PRDM9: variants seen among roughly 807,000 people sequenced by gnomAD.
PRDM9 encodes histone-lysine N-methyltransferase PRDM9.
Under a neutral mutation model 55.6 loss-of-function variants are expected in PRDM9, and 47 were observed. That is an observed-to-expected ratio of 0.85 (90% confidence interval 0.67 to 1.08). The LOEUF (loss-of-function observed/expected upper bound fraction) is 1.08. PRDM9 is among the 50% of genes least tolerant of loss of function. PRDM9 has a pLI of 0.00. For synonymous variants in PRDM9, 312 were observed against 375.7 expected (o/e 0.83, Z 1.96); for missense variants, 867 against 1,040.3 (o/e 0.83, Z 2.29).
chr5:23,521,243 G>A, intron 6 of PRDM9, 64 bp downstream of exon 6: 3 of 1,586,650 alleles, frequency 1.9e-6, no homozygotes, highest in South Asian at 2.2e-5. Context: ...TGATGAGTAT[G>A]GTCTACCTAT....
Position 23,526,592 on chromosome 5 carries a change from C to T in PRDM9, c.1504C>T (p.Gln502Ter), listed in dbSNP as rs753543119. Reference protein sequence around the residue: ...RIMEEESRTGQKVNPGNTGKL... With the variant: ...RIMEEESRTG ...AATGGAAGAAGAGTCCAGAACAGGCCAGAAAGTGAATCCAGGGAACACAGG... is the reference window on the plus strand; with the variant it reads ...AATGGAAGAAGAGTCCAGAACAGGCTAGAAAGTGAATCCAGGGAACACAGG... The change falls in exon 11 of 11, where the codon CAG (glutamine) becomes TAG (stop). Residue 502 changes from glutamine (Q) to a stop codon, truncating the protein, a stop_gained. Coordinates refer to ENST00000296682, the MANE Select transcript of PRDM9 (RefSeq NM_020227.4). LOFTEE classifies it low-confidence loss of function (END_TRUNC). 1.2e-6 allele frequency: 2 copies of T among 1,614,194 alleles called. No homozygotes were observed. The highest frequency in any genetic ancestry group is 1.7e-6 in the Non-Finnish European group (2 of 1,180,044).
chr5:23,518,003 G>A, intron 5 of PRDM9, 73 bp downstream of exon 5: 1 of 1,358,256 alleles, frequency 7.4e-7, no homozygotes, highest in African/African-American at 1.4e-5. Context: ...GGAGGAGAAT[G>A]TACAGACTAT....
rs1454422584 is a variant in PRDM9 at position 23,527,875 on chromosome 5, C to T, written c.*102C>T. On this transcript the variant is annotated 3_prime_UTR_variant, in exon 11 of 11. Transcript: ENST00000296682. ...GTGAGGTGGCTTCAGCGGAAGTCTG[C>T]TGACCCCTTATATTCCCCGAGAGTA... 10 of 1,424,184 alleles carry T rather than the reference C, an allele frequency of 7.0e-6. No homozygotes were observed. The highest frequency in any genetic ancestry group is 9.8e-6 in the Non-Finnish European group (10 of 1,021,942). 88.2% of individuals were successfully genotyped at this position (1,424,184 alleles called of 1,614,324 possible).
intron 4 of PRDM9, among the ~76,000 whole-genome samples, chr5:23,517,233 T>C (rs975588904): frequency 6.6e-6 from 1 of 151,710 alleles, no homozygotes; most frequent in African/African-American, 2.4e-5. Context: ...CTATTCCTAG[T>C]TTGTTCAGTG....
At chr5:23,525,171 AT>A (rs1455933364) in intron 10 of PRDM9, among the ~76,000 whole-genome samples, 14 of 152,344 alleles carry the variant, frequency 9.2e-5, no homozygotes, top group African/African-American at 3.4e-4. Context: ...AGGAGACAGC[AT>A]TTGAGAAGTG....
intron 5 of PRDM9, among the ~76,000 whole-genome samples, chr5:23,519,297 C>T (rs1739280063): frequency 6.6e-6 from 1 of 152,102 alleles, no homozygotes; most frequent in Admixed American, 6.5e-5. Flanking sequence ...TGGGCTCAAG[C>T]CATCCTCCCA....
At chr5:23,520,973 G>A in intron 5 of PRDM9, 50 bp from the exon 6 acceptor site, 2 of 1,601,314 alleles carry the variant, frequency 1.2e-6, no homozygotes, top group Non-Finnish European at 1.7e-6. Context: ...AAGCCGTAAA[G>A]AACTAAAGAA....
At chr5:23,522,277 T>G (rs778057476) in intron 6 of PRDM9, 27 bp from the exon 7 acceptor site, 1 of 1,566,908 alleles carries the variant, frequency 6.4e-7, no homozygotes, top group Non-Finnish European at 8.8e-7. Context: ...ATTCCCAATT[T>G]TACCCGTCTA....
At chr5:23,517,137 A>G (rs1252088610) in intron 4 of PRDM9, among the ~76,000 whole-genome samples, 1 of 134,934 alleles carries the variant, frequency 7.4e-6, no homozygotes, top group Admixed American at 8.0e-5. Flanking sequence ...TGGGCGACAG[A>G]GCGAGACTCC....
At chr5:23,516,865 G>A (rs1288438882) in intron 4 of PRDM9, among the ~76,000 whole-genome samples, 2 of 148,136 alleles carry the variant, frequency 1.4e-5, no homozygotes, top group Admixed American at 6.7e-5. Flanking sequence ...GACTACAGGC[G>A]CCCGCCACCA....
chr5:23,521,332 A>C (rs190582202), intron 6 of PRDM9, among the ~76,000 whole-genome samples, 153 bp downstream of exon 6: 11 of 152,180 alleles, frequency 7.2e-5, no homozygotes, highest in Admixed American at 6.5e-4. Flanking sequence ...TATTTTGTTA[A>C]AATTATTTAT....
intron 4 of PRDM9, among the ~76,000 whole-genome samples, chr5:23,516,144 A>G (rs1398241264): frequency 6.6e-6 from 1 of 152,222 alleles, no homozygotes; most frequent in African/African-American, 2.4e-5. Context: ...CCATGAACAC[A>G]GGATGTCCTT....
At chr5:23,520,902 C>A in intron 5 of PRDM9, 121 bp from the exon 6 acceptor site, 1 of 1,156,154 alleles carries the variant, frequency 8.6e-7, no homozygotes, top group African/African-American at 1.5e-5. Context: ...AGTATTTAGA[C>A]ACTCTAGGTA....
At position 23,522,385 on chromosome 5, in the gene PRDM9, C is replaced by A. The variant is rs112157044; in HGVS notation, c.590C>A (p.Pro197Gln). 5.0e-6 allele frequency: 8 copies of A among 1,613,772 alleles called. No individual in the cohort carries two copies. The African/African-American group carries it at 9.4e-5, about 19-fold the overall frequency. ...CATGCATACAAAGAGGTCAGCGAGCCGCAGGATGATGATTACCTCTGTAAG... is the reference window on the plus strand; with the variant it reads ...CATGCATACAAAGAGGTCAGCGAGCAGCAGGATGATGATTACCTCTGTAAG... ...KGHAYKEVSEPQDDDYLYCEM... is the reference protein window; with the variant it reads ...KGHAYKEVSEQQDDDYLYCEM... The change falls in exon 7 of 11, where the codon CCG becomes CAG. Residue 197 changes from proline (P) to glutamine (Q), a missense_variant. Physicochemically the swap from Pro to Gln is moderately conservative, Grantham distance 76 (BLOSUM62 -1). Transcript: ENST00000296682.
intron 4 of PRDM9, among the ~76,000 whole-genome samples, chr5:23,510,869 G>A (rs1389125254): frequency 2.0e-5 from 3 of 151,744 alleles, no homozygotes; most frequent in African/African-American, 7.3e-5. Context: ...CTCCTGGCCA[G>A]GCACAGTGGC....
chr5:23,522,588 C>T lies in PRDM9; in HGVS notation c.611-26C>T, dbSNP rs367696112. The T allele has an allele frequency of 1.4e-5, 22 of 1,614,072 alleles. No individual in the cohort carries two copies. The South Asian group carries it at 2.1e-4, about 15-fold the overall frequency. On this transcript the variant is annotated intron_variant, in intron 7 of 10. Transcript: ENST00000296682. ...TCAAGGAACATGCATTACAACTTTC[C>T]TAATCTCTGCTTCCCTCACTTCCAG...
chr5:23,517,986 G>C, intron 5 of PRDM9, 56 bp downstream of exon 5: 2 of 1,455,212 alleles, frequency 1.4e-6, no homozygotes, highest in Non-Finnish European at 1.9e-6. Flanking sequence ...TCCAAACACA[G>C]GTAAGAGGAG....
Position 23,508,988 on chromosome 5 carries a change from C to A in PRDM9, c.-46C>A. 1 of 1,608,936 alleles carries A rather than the reference C, an allele frequency of 6.2e-7. No homozygotes were observed. On this transcript the variant is annotated 5_prime_UTR_variant, in exon 2 of 11. Transcript: ENST00000296682. ...AGGAGCTGGGAGACTCAGGGCCCTT[C>A]TCACACTCAGAATTGGAGCAGGGCC...
intron 10 of PRDM9, among the ~76,000 whole-genome samples, chr5:23,525,544 G>A (rs963652984): frequency 2.6e-5 from 4 of 152,160 alleles, no homozygotes; most frequent in African/African-American, 9.7e-5. Flanking sequence ...GGGGTAGCAG[G>A]ACCCAGAGTC....
Sources: allele counts gnomAD v4.1 joint callset (sites outside exome capture counted in the v4.1 genomes callset), GRCh38; gene constraint gnomAD v4.1.1; transcripts MANE v1.5; gene names NCBI Gene and HGNC (gene_info 2026-07-23, HGNC 2026-07-21).